MYT1: variants seen among roughly 807,000 people sequenced by gnomAD.
The protein encoded by MYT1 is myelin transcription factor I.
In MYT1, 23 loss-of-function variants were observed where a neutral mutation model predicts 123.0. The ratio of observed to expected loss-of-function variants is 0.19; its 90% CI spans 0.13 to 0.26. The LOEUF (loss-of-function observed/expected upper bound fraction) is 0.26. MYT1 is among the 10% of genes least tolerant of loss of function. MYT1 has a pLI of 1.00. For missense variants in MYT1, 1,125 were observed against 1,472.5 expected, an observed-to-expected ratio of 0.76 and a Z score of 3.86; for synonymous variants, 518 against 575.3, an observed-to-expected ratio of 0.90 and a Z score of 1.43.
At chr20:64,209,867 A>T (rs1227850339) in intron 7 of MYT1, among the ~76,000 whole-genome samples, 1 of 152,126 alleles carries the variant, frequency 6.6e-6, no homozygotes, top group Non-Finnish European at 1.5e-5. Flanking sequence ...GACCCAAAGA[A>T]TGGCTTTGCG....
intron 4 of MYT1, among the ~76,000 whole-genome samples, chr20:64,201,939 CGGGAACCTCT>C: frequency 4.3e-5 from 6 of 139,226 alleles, no homozygotes; most frequent in Middle Eastern, 4.2e-3. Flanking sequence ...CCCCGCGTGT[CGGGAACCTCT>C]GCGTGTCGGG....
rs905910334 is a variant in MYT1 at position 64,189,487 on chromosome 20, G to T, written c.-98-576G>T. On this transcript the variant is annotated intron_variant, in intron 1 of 22. Transcript: ENST00000328439. This position sits in a 1 kb window ranked among gnomAD's most constrained non-coding sequence, Gnocchi z 5.5. ...GCAGAAACACAGGGTGACAAAAGAT[G>T]CTGGAAACCAGGGCAAAGAGCATGC... is the stretch of plus-strand genomic sequence containing the variant. 6.6e-6 allele frequency among the ~76,000 whole-genome samples: 1 copy of T among 152,216 alleles called. No individual in the cohort carries two copies. Among genetic ancestry groups the T allele is most frequent in the Non-Finnish European group, 1.5e-5 (1 of 68,042 alleles).
At chr20:64,179,821 G>A (rs1269315939) in intron 1 of MYT1, among the ~76,000 whole-genome samples, 1 of 151,860 alleles carries the variant, frequency 6.6e-6, no homozygotes, top group Non-Finnish European at 1.5e-5. Context: ...GCTACACACA[G>A]TTACACAATG....
At chr20:64,165,370 C>G (rs144947497) in intron 1 of MYT1, among the ~76,000 whole-genome samples, 4 of 152,218 alleles carry the variant, frequency 2.6e-5, no homozygotes, top group African/African-American at 9.6e-5. Context: ...CGTGTCCGTG[C>G]AGCTGTGGAG....
Position 64,207,996 on chromosome 20 carries a change from AGG to A in MYT1, c.801_802del (p.Glu268ArgfsTer7), listed in dbSNP as rs781363631. ...GAGGAGGACGAGGAGGAGGAGGAGG[AGG>A]AAGAGGAGGAGGAGGAGGATGAAGA... On this transcript the variant is annotated frameshift_variant, in exon 7 of 23. Coordinates refer to ENST00000328439, the MANE Select transcript of MYT1 (RefSeq NM_004535.3). LOFTEE classifies it high-confidence loss of function. 9.4e-6 allele frequency: 15 copies of A among 1,588,922 alleles called. No homozygotes were observed. The highest frequency in any genetic ancestry group is 4.6e-5 in the South Asian group (4 of 86,708).
intron 1 of MYT1, among the ~76,000 whole-genome samples, chr20:64,184,305 C>G (rs796830448): frequency 6.6e-6 from 1 of 151,522 alleles, no homozygotes; most frequent in Non-Finnish European, 1.5e-5. Context: ...TGATCCAGTG[C>G]GAGCTAATTT....
rs1184480262 is a variant in MYT1, at chr20:64,185,486, C to G, written c.-98-4577C>G. On this transcript the variant is annotated intron_variant, in intron 1 of 22. Transcript: ENST00000328439. This position sits in a 1 kb window ranked among gnomAD's most constrained non-coding sequence, Gnocchi z 4.5. ...GTGAAGACTGAAAACATGTGGCTTT[C>G]CACACTTACCACCTGGCCTCTCACT... is the stretch of plus-strand genomic sequence containing the variant. Among the ~76,000 whole-genome samples, 17 of 152,234 alleles carry G rather than the reference C, an allele frequency of 1.1e-4. No individual in the cohort carries two copies. The highest frequency in any genetic ancestry group is 1.0e-4 in the Non-Finnish European group (7 of 68,042).
rs956320558 is a variant in MYT1, at chr20:64,168,675, G to T, written c.-99+3936G>T. 6.6e-6 allele frequency among the ~76,000 whole-genome samples: 1 copy of T among 152,196 alleles called. No homozygotes were observed. The highest frequency in any genetic ancestry group is 2.4e-5 in the African/African-American group (1 of 41,444). Reference sequence around the variant, plus strand: ...TTGTGCTCTGGCAACTGAGTGTGTGGTTTGCCCTGGGGTTGCTTGGAGTTG... The same window carrying T: ...TTGTGCTCTGGCAACTGAGTGTGTGTTTTGCCCTGGGGTTGCTTGGAGTTG... On this transcript the variant is annotated intron_variant, in intron 1 of 22. Transcript: ENST00000328439. This position sits in a 1 kb window ranked among gnomAD's most constrained non-coding sequence, Gnocchi z 6.1.
At chr20:64,172,808 C>T (rs1488124514) in intron 1 of MYT1, among the ~76,000 whole-genome samples, 1 of 129,626 alleles carries the variant, frequency 7.7e-6, no homozygotes, top group Admixed American at 9.6e-5. Context: ...AGTGCAGTGG[C>T]GTGATCTTGG....
chr20:64,224,298 A>T (rs1984102303), intron 16 of MYT1, among the ~76,000 whole-genome samples: 1 of 152,124 alleles, frequency 6.6e-6, no homozygotes, highest in Non-Finnish European at 1.5e-5. Context: ...GGCTTATTCC[A>T]TTCTGGGGCC....
In MYT1 at chr20:64,213,936, TC is replaced by T. The variant is rs113951577; in HGVS notation, c.1631+290del. Among the ~76,000 whole-genome samples, 15,897 of 152,288 alleles carry T rather than the reference TC, an allele frequency of 0.1. 973 individuals carry two copies. Among genetic ancestry groups the T allele is most frequent in the Non-Finnish European group, 0.14 (9,421 of 68,008 alleles). Reference sequence around the variant, plus strand: ...GTTGCCTCTGCCTCCGACATGGGGCTCTGCCTCCTTGGAGTCGTCTGATGTG... The same window carrying T: ...GTTGCCTCTGCCTCCGACATGGGGCTTGCCTCCTTGGAGTCGTCTGATGTG... On this transcript the variant is annotated intron_variant, in intron 10 of 22. Transcript: ENST00000328439. The surrounding 1 kb of genome is among the most constrained non-coding windows in gnomAD (Gnocchi z 5.6).
At chr20:64,227,997 C>G in intron 18 of MYT1, 26 bp downstream of exon 18, 1 of 1,602,588 alleles carries the variant, frequency 6.2e-7, no homozygotes, top group Non-Finnish European at 8.5e-7. Context: ...CTGGCTCTTT[C>G]ATTGCATTGC....
chr20:64,171,368 G>A (rs1249038353), intron 1 of MYT1, among the ~76,000 whole-genome samples: 1 of 152,326 alleles, frequency 6.6e-6, no homozygotes, highest in African/African-American at 2.4e-5. Flanking sequence ...ATTCAGGGAA[G>A]CAATCCCTAG....
At position 64,223,109 on chromosome 20, in the gene MYT1, A is replaced by G. The variant is rs1373975913; in HGVS notation, c.2397-2A>G. 6.2e-7 allele frequency: 1 copy of G among 1,613,978 alleles called. No individual in the cohort carries two copies. Among genetic ancestry groups the G allele is most frequent in the Non-Finnish European group, 8.5e-7 (1 of 1,180,014 alleles). On this transcript the variant is annotated splice_acceptor_variant, in intron 14 of 22. Coordinates refer to ENST00000328439, the MANE Select transcript of MYT1 (RefSeq NM_004535.3). LOFTEE classifies it high-confidence loss of function. Reference sequence around the variant, plus strand: ...GTCTGACACTCTTTTTCCTTTGTCCAGCTGTCCCACCCCTGGCTGTGACGG... The same window carrying G: ...GTCTGACACTCTTTTTCCTTTGTCCGGCTGTCCCACCCCTGGCTGTGACGG...
In MYT1 at chr20:64,240,561, G is replaced by C. The variant is rs556049620; in HGVS notation, c.*113G>C. 13 of 1,409,734 alleles carry C rather than the reference G, an allele frequency of 9.2e-6. No individual in the cohort carries two copies. The highest frequency in any genetic ancestry group is 7.5e-6 in the Non-Finnish European group (8 of 1,071,248). 87.3% of individuals were successfully genotyped at this position (1,409,734 alleles called of 1,614,324 possible). On this transcript the variant is annotated 3_prime_UTR_variant, in exon 23 of 23. Coordinates refer to ENST00000328439, the MANE Select transcript of MYT1 (RefSeq NM_004535.3). Reference sequence around the variant, plus strand: ...TGACTTCCCGTTTGGGGCCCGGTGTGGCCGCGGGCGGGTTTATCCAAAGGG... The same window carrying C: ...TGACTTCCCGTTTGGGGCCCGGTGTCGCCGCGGGCGGGTTTATCCAAAGGG...
Position 64,202,683 on chromosome 20 carries a change from T to C in MYT1, c.87-2352T>C, listed in dbSNP as rs773242814. Among the ~76,000 whole-genome samples the C allele has an allele frequency of 8.5e-5, 13 of 152,154 alleles. No individual in the cohort carries two copies. Among genetic ancestry groups the C allele is most frequent in the Non-Finnish European group, 1.8e-4 (12 of 68,026 alleles). On this transcript the variant is annotated intron_variant, in intron 4 of 22. Transcript: ENST00000328439. This position sits in a 1 kb window ranked among gnomAD's most constrained non-coding sequence, Gnocchi z 5.0. ...GCTGGGATTCAGTTCCTCTCCTGAC[T>C]TGTCTCCTTTGACGCCTACTTTTCA... is the stretch of plus-strand genomic sequence containing the variant.
rs1984722835 is a variant in MYT1 at position 64,241,717 on chromosome 20, T to C, written c.*1269T>C. On this transcript the variant is annotated 3_prime_UTR_variant, in exon 23 of 23. Transcript: ENST00000328439. This position sits in a 1 kb window ranked among gnomAD's most constrained non-coding sequence, Gnocchi z 4.2. ...GTGAATTCAAAGCAAAAATAACTAT[T>C]TGACTATAATATAGGCCACAAAAAA... 6.6e-6 allele frequency: 1 copy of C among 152,668 alleles called. No individual in the cohort carries two copies. The highest frequency in any genetic ancestry group is 2.4e-5 in the African/African-American group (1 of 41,468). 9.5% of individuals were successfully genotyped at this position (152,668 alleles called of 1,614,324 possible). A position where few individuals can be genotyped will look rare whatever the true frequency, so the allele number is the denominator to read the frequency against.
intron 2 of MYT1, among the ~76,000 whole-genome samples, chr20:64,195,161 TG>T (rs1490453403): frequency 2.6e-5 from 4 of 151,896 alleles, no homozygotes; most frequent in African/African-American, 7.3e-5. Flanking sequence ...GCCCTGTTTC[TG>T]GGTTCTGAGT....
chr20:64,211,119 A>G (rs1370830655), intron 7 of MYT1, 87 bp from the exon 8 acceptor site: 1 of 1,450,284 alleles, frequency 6.9e-7, no homozygotes, highest in African/African-American at 1.4e-5. Context: ...CTGGACAGCC[A>G]GAGAGAGGGT....
Sources: allele counts gnomAD v4.1 joint callset (sites outside exome capture counted in the v4.1 genomes callset), GRCh38; gene constraint gnomAD v4.1.1; non-coding constraint Gnocchi (gnomAD v3.1); transcripts MANE v1.5; gene names NCBI Gene and HGNC (gene_info 2026-07-23, HGNC 2026-07-21).